The following SMCO2 variants were observed in gnomAD, a reference collection of about 807,000 sequenced individuals.
SMCO2 encodes single-pass membrane and coiled-coil domain-containing protein 2.
SMCO2 carries 25 observed loss-of-function variants against 29.5 expected under a neutral mutation model. The ratio of observed to expected loss-of-function variants is 0.85; its 90% CI spans 0.62 to 1.18. The LOEUF is 1.18. Among genes scored for constraint, SMCO2 ranks in the 50% most tolerant of loss-of-function variants. SMCO2 has a pLI of 0.00. For synonymous variants in SMCO2, 117 were observed against 123.3 expected, an observed-to-expected ratio of 0.95 and a Z score of 0.34; for missense variants, 348 against 344.5, an observed-to-expected ratio of 1.01 and a Z score of -0.08.
intron 4 of SMCO2, among the ~76,000 whole-genome samples, chr12:27,477,817 T>G (rs1949603450): frequency 6.6e-6 from 1 of 152,108 alleles, no homozygotes; most frequent in Admixed American, 6.5e-5. Flanking sequence ...TTTCTTGACT[T>G]CTTTGTATTG....
chr12:27,469,389 G>A (rs1010844276), intron 1 of SMCO2, among the ~76,000 whole-genome samples: 2 of 152,160 alleles, frequency 1.3e-5, no homozygotes, highest in African/African-American at 4.8e-5. Context: ...CACAAGTCAA[G>A]AACAAAGCTC....
chr12:27,475,697 A>T (rs545209953), intron 4 of SMCO2: 37 of 1,549,030 alleles, frequency 2.4e-5, no homozygotes, highest in Middle Eastern at 1.7e-4. Flanking sequence ...CAATATTATT[A>T]AAAAAATAAA....
chr12:27,423,800 CTA>C, the SMCO2 span: 1 of 152,184 alleles, frequency 6.6e-6, no homozygotes, highest in Non-Finnish European at 1.5e-5. Flanking sequence ...GGTTTGATCT[CTA>C]TGTTTACTTC....
chr12:27,496,121 CTA>C (rs944163450), intron 7 of SMCO2, among the ~76,000 whole-genome samples: 1 of 149,782 alleles, frequency 6.7e-6, no homozygotes, highest in African/African-American at 2.5e-5. Flanking sequence ...ATAAATATAT[CTA>C]AATATAGATA....
At position 27,479,251 on chromosome 12, in the gene SMCO2, G is replaced by T. The variant is rs530515639; in HGVS notation, c.362+4338G>T. Among the ~76,000 whole-genome samples the T allele has an allele frequency of 3.3e-5, 5 of 152,204 alleles. No homozygotes were observed. In the South Asian group the frequency reaches 6.2e-4, roughly 19 times the overall value. On this transcript the variant is annotated intron_variant, in intron 4 of 7. Transcript: ENST00000298876. ...TGATATCTGGGCCCCTGGATAGTGT[G>T]CCCTGGTGCCAACAGTGATGGCAGT...
chr12:27,426,413 G>A, the SMCO2 span, among the ~76,000 whole-genome samples: 1 of 152,204 alleles, frequency 6.6e-6, no homozygotes, highest in Non-Finnish European at 1.5e-5. Context: ...AGTTGGATAT[G>A]TGAGTATGGA....
chr12:27,489,886 G>A (rs1372708996), intron 5 of SMCO2, among the ~76,000 whole-genome samples: 1 of 152,196 alleles, frequency 6.6e-6, no homozygotes, highest in Non-Finnish European at 1.5e-5. Flanking sequence ...TCAGTAGCAG[G>A]TGCGGGGAGG....
At chr12:27,431,886 AG>A in the SMCO2 span, among the ~76,000 whole-genome samples, 2 of 152,144 alleles carry the variant, frequency 1.3e-5, no homozygotes, top group African/African-American at 4.8e-5. Flanking sequence ...CCAGTGCATA[AG>A]GGTTCCAGTT....
chr12:27,440,530 AAAC>A, the SMCO2 span, among the ~76,000 whole-genome samples: 10 of 152,198 alleles, frequency 6.6e-5, no homozygotes, highest in East Asian at 5.8e-4. Context: ...AATCTAACAA[AAAC>A]AACAATAGGT....
chr12:27,465,384 G>A (rs1354945867), upstream of SMCO2, among the ~76,000 whole-genome samples: 1 of 152,174 alleles, frequency 6.6e-6, no homozygotes, highest in East Asian at 1.9e-4. Context: ...GGTCACCCAG[G>A]ACAACCAAAG....
exon 3 of SMCO2, chr12:27,472,861 G>C: frequency 6.5e-7 from 1 of 1,550,204 alleles, no homozygotes; most frequent in Non-Finnish European, 8.7e-7. Flanking sequence ...CCCTCAAACT[G>C]ACTTCCTTCA....
chr12:27,474,490 C>A (rs2135549031), intron 3 of SMCO2, among the ~76,000 whole-genome samples: 1 of 152,210 alleles, frequency 6.6e-6, no homozygotes, highest in African/African-American at 2.4e-5. Context: ...CCAGAACAGT[C>A]ATCTAATTTG....
chr12:27,470,344 A>G (rs1175772593), intron 1 of SMCO2, among the ~76,000 whole-genome samples: 2 of 152,208 alleles, frequency 1.3e-5, no homozygotes, highest in African/African-American at 2.4e-5. Context: ...GCTGGTTATT[A>G]TATATTCCTC....
chr12:27,474,635 C>A, intron 3 of SMCO2, 151 bp from the exon 4 acceptor site: 1 of 841,148 alleles, frequency 1.2e-6, no homozygotes, highest in Non-Finnish European at 1.8e-6. Flanking sequence ...AAGGGCATGT[C>A]TGCTTAGCTT....
At chr12:27,456,584 A>G in the SMCO2 span, among the ~76,000 whole-genome samples, 1 of 152,180 alleles carries the variant, frequency 6.6e-6, no homozygotes, top group East Asian at 1.9e-4. Context: ...GCACCCGACT[A>G]TTGTGTGGTT....
intron 4 of SMCO2, among the ~76,000 whole-genome samples, chr12:27,486,286 A>G (rs1018170495): frequency 6.6e-6 from 1 of 152,206 alleles, no homozygotes; most frequent in Non-Finnish European, 1.5e-5. Flanking sequence ...AATCTACTCC[A>G]TGTGGCCTCC....
the SMCO2 span, chr12:27,423,449 C>G: frequency 6.6e-6 from 1 of 151,562 alleles, no homozygotes; most frequent in Non-Finnish European, 1.5e-5. Context: ...GCCTCAGCCT[C>G]CAGAGCAGCT....
At chr12:27,473,090 T>G in intron 3 of SMCO2, 1 of 464,742 alleles carries the variant, frequency 2.2e-6, no homozygotes, top group Non-Finnish European at 3.8e-6. Context: ...CTTACTAGCC[T>G]TCCCATGCGA....
At chr12:27,450,432 GCTT>G in the SMCO2 span, among the ~76,000 whole-genome samples, 53 of 152,276 alleles carry the variant, frequency 3.5e-4, no homozygotes, top group Non-Finnish European at 5.6e-4. Flanking sequence ...ACTAGCTGAG[GCTT>G]CTTCTCACCT....
Sources: gnomAD v4.1 joint callset for allele counts (sites outside exome capture counted in the v4.1 genomes callset) on GRCh38, gnomAD v4.1.1 for gene constraint, MANE v1.5 for transcripts, NCBI Gene and HGNC (gene_info 2026-07-23, HGNC 2026-07-21) for gene names.